Variants in ITCH observed in about 807,000 individuals in gnomAD.
The protein encoded by ITCH is E3 ubiquitin-protein ligase Itchy homolog.
ITCH carries 28 observed loss-of-function variants against 126.8 expected under a neutral mutation model. That is an observed-to-expected ratio of 0.22 (90% confidence interval 0.16 to 0.30). The LOEUF is 0.30. Ranked by LOEUF, ITCH falls within the 10% of genes least tolerant of loss-of-function variation. ITCH has a pLI of 1.00. For missense variants in ITCH, 631 were observed against 1,032.4 expected, an observed-to-expected ratio of 0.61 and a Z score of 5.33; for synonymous variants, 342 against 340.0, an observed-to-expected ratio of 1.01 and a Z score of -0.06.
chr20:34,460,746 G>A (rs951444502), intron 13 of ITCH, among the ~76,000 whole-genome samples: 1 of 152,176 alleles, frequency 6.6e-6, no homozygotes, highest in Admixed American at 6.5e-5. Flanking sequence ...TAGGCCTTGT[G>A]TAGTGTCTCA....
chr20:34,382,409 T>C (rs1568867951), intron 2 of ITCH, among the ~76,000 whole-genome samples: 1 of 152,200 alleles, frequency 6.6e-6, no homozygotes, highest in Non-Finnish European at 1.5e-5. Flanking sequence ...ACTTGATAAT[T>C]CTTTTTTCTT....
intron 13 of ITCH, among the ~76,000 whole-genome samples, chr20:34,461,363 A>C (rs1040253518): frequency 3.3e-5 from 5 of 152,188 alleles, no homozygotes; most frequent in African/African-American, 1.2e-4. Context: ...TCAGTATAAG[A>C]GCAGGCCTAG....
intron 23 of ITCH, among the ~76,000 whole-genome samples, chr20:34,501,158 A>G (rs532379489): frequency 6.6e-6 from 1 of 152,220 alleles, no homozygotes; most frequent in African/African-American, 2.4e-5. Context: ...GAGGTGGTGT[A>G]TGTAATTCTT....
chr20:34,408,569 C>G, intron 3 of ITCH, 82 bp from the exon 4 acceptor site: 1 of 1,293,754 alleles, frequency 7.7e-7, no homozygotes, highest in Non-Finnish European at 1.1e-6. Flanking sequence ...TTTAGTAAAT[C>G]TGCCTAATTA....
Position 34,459,754 on chromosome 20 carries a change from A to C in ITCH, c.1295+2280A>C, listed in dbSNP as rs182267171. Among the ~76,000 whole-genome samples, 4 of 152,350 alleles carry C rather than the reference A, an allele frequency of 2.6e-5. No individual in the cohort carries two copies. In the East Asian group the frequency reaches 5.8e-4, roughly 22 times the overall value. ...CTGCCTCAAAAAACTAAAACTAAAA[A>C]TAAATAAAAAAAGATATGCTTTCAA... On this transcript the variant is annotated intron_variant, in intron 13 of 24. Coordinates refer to ENST00000374864, the MANE Select transcript of ITCH (RefSeq NM_031483.7).
At chr20:34,428,962 G>A (rs933927936) in intron 7 of ITCH, among the ~76,000 whole-genome samples, 1 of 152,082 alleles carries the variant, frequency 6.6e-6, no homozygotes, top group Non-Finnish European at 1.5e-5. Flanking sequence ...GTTTGAGACC[G>A]TGTCTCGTTC....
chr20:34,504,324 G>A lies in ITCH; in HGVS notation c.2417-7G>A, dbSNP rs763042163. 5.6e-6 allele frequency: 9 copies of A among 1,609,540 alleles called. No individual in the cohort carries two copies. The highest frequency in any genetic ancestry group is 7.7e-6 in the Non-Finnish European group (9 of 1,175,866). ...AACAAACTGTTTATGATTTCATTAT[G>A]TTTTAGGGAGCAATGGACCACAGAA... is the stretch of plus-strand genomic sequence containing the variant. On this transcript the variant is annotated splice_polypyrimidine_tract_variant and splice_region_variant and intron_variant, in intron 23 of 24. Transcript: ENST00000374864.
intron 24 of ITCH, among the ~76,000 whole-genome samples, chr20:34,505,831 G>A (rs1437166469): frequency 6.6e-5 from 10 of 152,210 alleles, no homozygotes; most frequent in Non-Finnish European, 1.5e-5. Context: ...TGGGATTACA[G>A]GCGTGAGCCA....
Position 34,412,559 on chromosome 20 carries a change from AC to A in ITCH, c.259del (p.Gln87ArgfsTer3). On this transcript the variant is annotated frameshift_variant, in exon 5 of 25. Transcript: ENST00000374864. LOFTEE classifies it high-confidence loss of function. ...VSKLHFRVWS[H>X]QTLKSDVLLG... ...AAATTACATTTTCGTGTGTGGAGTCACCAGACACTGAAATCTGATGTTTTGT... is the reference window on the plus strand; with the variant it reads ...AAATTACATTTTCGTGTGTGGAGTCACAGACACTGAAATCTGATGTTTTGT... 6.2e-7 allele frequency: 1 copy of A among 1,603,388 alleles called. No individual in the cohort carries two copies. The highest frequency in any genetic ancestry group is 8.5e-7 in the Non-Finnish European group (1 of 1,170,348).
intron 3 of ITCH, among the ~76,000 whole-genome samples, chr20:34,394,511 C>CT (rs2038604391): frequency 6.6e-6 from 1 of 152,166 alleles, no homozygotes; most frequent in Non-Finnish European, 1.5e-5. Flanking sequence ...CAGCCTCCTG[C>CT]TGTGGTGACT....
intron 7 of ITCH, among the ~76,000 whole-genome samples, chr20:34,430,564 C>A (rs912605909): frequency 2.0e-5 from 3 of 152,158 alleles, no homozygotes; most frequent in Admixed American, 1.3e-4. Flanking sequence ...ACCTCTGCCT[C>A]CTGGGTTCAA....
intron 12 of ITCH, among the ~76,000 whole-genome samples, chr20:34,456,646 AT>A (rs1220186887): frequency 1.5e-4 from 12 of 81,822 alleles, no homozygotes; most frequent in South Asian, 4.4e-4. Context: ...AAAAAAAAAT[AT>A]ATATATATAT....
intron 22 of ITCH, among the ~76,000 whole-genome samples, chr20:34,490,705 G>C (rs1024546599): frequency 2.0e-5 from 3 of 152,156 alleles, no homozygotes; most frequent in Non-Finnish European, 4.4e-5. Context: ...AAGTGGAGAA[G>C]AACAACCATT....
intron 2 of ITCH, among the ~76,000 whole-genome samples, chr20:34,386,292 T>C (rs1166283549): frequency 6.6e-6 from 1 of 152,092 alleles, no homozygotes; most frequent in Non-Finnish European, 1.5e-5. Flanking sequence ...TAGCAGAGAA[T>C]GGGATCTAAA....
chr20:34,445,848 A>G (rs1984393411), intron 11 of ITCH, among the ~76,000 whole-genome samples: 1 of 152,198 alleles, frequency 6.6e-6, no homozygotes. Flanking sequence ...ACTGATGATA[A>G]GAGTTTAACC....
chr20:34,473,075 C>T (rs1181127009), intron 16 of ITCH, among the ~76,000 whole-genome samples: 1 of 152,098 alleles, frequency 6.6e-6, no homozygotes, highest in Non-Finnish European at 1.5e-5. Flanking sequence ...AGCTGTCACC[C>T]TAGATTTGAC....
intron 2 of ITCH, among the ~76,000 whole-genome samples, chr20:34,372,384 C>CTTTTTTTTTTTTT (rs779017298): frequency 0.013 from 1,231 of 92,992 alleles, 198 homozygotes; most frequent in African/African-American, 0.038. Context: ...TTAAGTTCTA[C>CTTTTTTTTTTTTT]TTTTTTTTTT....
At chr20:34,379,901 C>G (rs920525421) in intron 2 of ITCH, among the ~76,000 whole-genome samples, 11 of 140,680 alleles carry the variant, frequency 7.8e-5, no homozygotes, top group South Asian at 4.8e-4. Context: ...CCGGCCCCCC[C>G]CCCCCTTTTT....
rs554298946 is a variant in ITCH, at chr20:34,470,554, A to G, written c.1497+434A>G. 2.1e-4 allele frequency among the ~76,000 whole-genome samples: 32 copies of G among 152,220 alleles called. 1 individual carries two copies. Among genetic ancestry groups the G allele is most frequent in the East Asian group, 1.9e-3 (10 of 5,188 alleles). On this transcript the variant is annotated intron_variant, in intron 15 of 24. Coordinates refer to ENST00000374864, the MANE Select transcript of ITCH (RefSeq NM_031483.7). ...TGCAGGAATCTTCAAATGTAAGTAA[A>G]AGCATTTTCTGATATAATTTTAACC...
Sources: allele counts gnomAD v4.1 joint callset (sites outside exome capture counted in the v4.1 genomes callset), GRCh38; gene constraint gnomAD v4.1.1; transcripts MANE v1.5; gene names NCBI Gene and HGNC (gene_info 2026-07-23, HGNC 2026-07-21).